Variants in DGKB observed in about 807,000 individuals in gnomAD.
DGKB encodes 90 kDa diacylglycerol kinase.
In DGKB, 67 loss-of-function variants were observed where a neutral mutation model predicts 114.3. That is an observed-to-expected ratio of 0.59 (90% CI 0.48 to 0.72). The LOEUF is 0.72. DGKB is among the 30% of genes least tolerant of loss of function. The pLI is 0.00. For synonymous variants in DGKB, 398 were observed against 323.1 expected (o/e 1.23, Z -2.49); for missense variants, 907 against 975.2 (o/e 0.93, Z 0.93).
chr7:14,182,930 G>C (rs908966239), intron 23 of DGKB, among the ~76,000 whole-genome samples: 4 of 152,184 alleles, frequency 2.6e-5, no homozygotes, highest in Non-Finnish European at 5.9e-5. Flanking sequence ...GGCTGGAGCA[G>C]AGTAGTATAA....
In DGKB at chr7:14,638,573, C is replaced by A. The variant is rs576885549; in HGVS notation, c.1135-8305G>T. Among the ~76,000 whole-genome samples the A allele has an allele frequency of 4.7e-4, 71 of 152,108 alleles. 1 individual carries two copies. Among genetic ancestry groups the A allele is most frequent in the African/African-American group, 4.8e-4 (20 of 41,486 alleles). ...ATTTGTTAAGCATCTAGTCTATGAC[C>A]AAATCAAATTAGGCACTAGACATAA... is the stretch of plus-strand genomic sequence containing the variant. On this transcript the variant is annotated intron_variant, in intron 13 of 25. Transcript: ENST00000402815.
intron 20 of DGKB, among the ~76,000 whole-genome samples, chr7:14,553,805 T>C (rs927087662): frequency 8.6e-5 from 13 of 151,048 alleles, no homozygotes; most frequent in African/African-American, 3.1e-4. Flanking sequence ...TATTTGCAGA[T>C]TAATTTATAT....
chr7:14,670,315 T>G (rs1818753321), intron 13 of DGKB, among the ~76,000 whole-genome samples: 1 of 151,730 alleles, frequency 6.6e-6, no homozygotes, highest in African/African-American at 2.4e-5. Flanking sequence ...ACACACATTT[T>G]TTTTTGAGAC....
intron 20 of DGKB, among the ~76,000 whole-genome samples, chr7:14,572,937 A>C (rs1377417320): frequency 1.3e-5 from 2 of 152,138 alleles, no homozygotes; most frequent in Non-Finnish European, 2.9e-5. Flanking sequence ...CATAAAAGAC[A>C]AATCTTAGAG....
intron 21 of DGKB, among the ~76,000 whole-genome samples, chr7:14,440,555 A>G (rs1378180903): frequency 6.6e-6 from 1 of 152,174 alleles, no homozygotes; most frequent in Admixed American, 6.5e-5. Context: ...ATACATTCAG[A>G]TTGATAAAGG....
At position 14,630,238 on chromosome 7, in the gene DGKB, C is replaced by T; in HGVS notation, c.1165G>A (p.Glu389Lys). The change falls in exon 14 of 26, where the codon GAG (glutamate) becomes AAG (lysine). Residue 389 changes from glutamate to lysine, a missense_variant and splice_region_variant. Physicochemically the swap from Glu to Lys is moderately conservative, Grantham distance 56. Around this residue, in one of 3 missense-constraint regions of DGKB, gnomAD observed 814 missense variants for 856.6 expected, o/e 0.95. Coordinates refer to ENST00000402815, the MANE Select transcript of DGKB (RefSeq NM_001350709.2). ...TLPTSGVSVP[E>K]ERQSTVKKEK... ...AAAACCTGTTTTTGCTTACGCACCT[C>T]AGGAACTGAAACTCCTGAAGTGGGC... 6.4e-7 allele frequency: 1 copy of T among 1,555,050 alleles called. No homozygotes were observed. Among genetic ancestry groups the T allele is most frequent in the African/African-American group, 1.4e-5 (1 of 73,120 alleles).
intron 20 of DGKB, among the ~76,000 whole-genome samples, chr7:14,535,158 A>G (rs150858490): frequency 4.6e-5 from 7 of 152,068 alleles, no homozygotes; most frequent in Admixed American, 6.6e-5. Flanking sequence ...TTGTTAAGAC[A>G]AGGAGTTCAA....
intron 1 of DGKB, among the ~76,000 whole-genome samples, chr7:14,920,322 T>C (rs116503996): frequency 0.015 from 2,348 of 152,182 alleles, 54 homozygotes; most frequent in African/African-American, 0.053. Flanking sequence ...GGAAACAATT[T>C]AAAAATGGGA....
At chr7:14,851,594 C>T (rs1320244812) in intron 1 of DGKB, among the ~76,000 whole-genome samples, 1 of 152,162 alleles carries the variant, frequency 6.6e-6, no homozygotes, top group Non-Finnish European at 1.5e-5. Context: ...ACTTCTTCAG[C>T]AGGTGGTGTC....
chr7:14,421,356 A>G (rs1331030144), intron 21 of DGKB, among the ~76,000 whole-genome samples: 1 of 152,138 alleles, frequency 6.6e-6, no homozygotes, highest in Non-Finnish European at 1.5e-5. Flanking sequence ...TTTATCTAGT[A>G]ACACTTTACA....
Position 14,929,208 on chromosome 7 carries a change from C to A in DGKB, c.-188+45488G>T, listed in dbSNP as rs556911049. Reference sequence around the variant, plus strand: ...GTCATCAACATATGAGTGCAGATATCTTTTTGGTATAACGATATTATTTCC... The same window carrying A: ...GTCATCAACATATGAGTGCAGATATATTTTTGGTATAACGATATTATTTCC... On this transcript the variant is annotated intron_variant, in intron 1 of 4. Coordinates refer to the DGKB transcript ENST00000437998. Among the ~76,000 whole-genome samples, 5 of 152,104 alleles carry A rather than the reference C, an allele frequency of 3.3e-5. No individual in the cohort carries two copies. In the South Asian group the frequency reaches 1.0e-3, roughly 32 times the overall value.
Position 14,718,665 on chromosome 7 carries a change from C to A in DGKB, c.343G>T (p.Ala115Ser). Reference sequence around the variant, plus strand: ...GAAGTAGTCCGGGGAGGGGTGATGGCACCTTTATTCATTCTCAGACCTGGA... The same window carrying A: ...GAAGTAGTCCGGGGAGGGGTGATGGAACCTTTATTCATTCTCAGACCTGGA... ...LSGGLRMNKG[A>S]ITPPRTTSPA... The change falls in exon 6 of 26, where the codon GCC becomes TCC. Residue 115 changes from alanine (A) to serine (S), a missense_variant. Transcript: ENST00000402815. The A allele has an allele frequency of 6.2e-7, 1 of 1,608,324 alleles. No individual in the cohort carries two copies. Among genetic ancestry groups the A allele is most frequent in the South Asian group, 1.1e-5 (1 of 90,002 alleles).
chr7:14,696,358 G>C (rs556524199), intron 8 of DGKB, among the ~76,000 whole-genome samples: 2 of 151,748 alleles, frequency 1.3e-5, no homozygotes, highest in African/African-American at 2.4e-5. Flanking sequence ...AGCCGGGCGC[G>C]GTGGCGGGCG....
At chr7:14,834,687 C>G (rs542714551) in intron 2 of DGKB, among the ~76,000 whole-genome samples, 27 of 152,268 alleles carry the variant, frequency 1.8e-4, no homozygotes, top group African/African-American at 6.3e-4. Flanking sequence ...AAATGAACTT[C>G]TGTTGTGTTA....
chr7:14,165,577 A>T (rs1295262607), intron 25 of DGKB, among the ~76,000 whole-genome samples: 1 of 152,224 alleles, frequency 6.6e-6, no homozygotes, highest in South Asian at 2.1e-4. Flanking sequence ...AAAAATACCT[A>T]TTGTTTCTTG....
chr7:14,607,506 A>C lies in DGKB; in HGVS notation c.1361T>G (p.Ile454Ser). The C allele has an allele frequency of 6.5e-7, 1 of 1,536,148 alleles. No homozygotes were observed. Among genetic ancestry groups the C allele is most frequent in the Non-Finnish European group, 9.0e-7 (1 of 1,112,906 alleles). Residue 454 changes from isoleucine to serine, a missense_variant and splice_region_variant, in exon 17 of 26, where the codon ATT (isoleucine) becomes AGT (serine). Ile to Ser is a moderately radical substitution (Grantham distance 142). Around this residue, in one of 3 missense-constraint regions of DGKB, gnomAD observed 814 missense variants for 856.6 expected, o/e 0.95. Coordinates refer to ENST00000402815, the MANE Select transcript of DGKB (RefSeq NM_001350709.2). ...TAATAGATACTGGAATTTTCTGTAA[A>C]TTCTATAAAGGTGAAAATGTGGGGA... is the stretch of plus-strand genomic sequence containing the variant. ...PKSGGKQGER[I>S]YRKFQYLLNP...
intron 6 of DGKB, among the ~76,000 whole-genome samples, chr7:14,707,159 C>T (rs1826423028): frequency 7.5e-6 from 1 of 133,772 alleles, no homozygotes; most frequent in South Asian, 2.8e-4. Flanking sequence ...CACAGAAATA[C>T]AAACTACCAT....
intron 23 of DGKB, among the ~76,000 whole-genome samples, chr7:14,309,332 G>A (rs1804991438): frequency 6.6e-6 from 1 of 152,138 alleles, no homozygotes; most frequent in Admixed American, 6.6e-5. Flanking sequence ...TATGTGAATG[G>A]TTCTATGTAA....
rs73068679 is a variant in DGKB, at chr7:14,790,539, A to G, written c.71-32808T>C. Among the ~76,000 whole-genome samples, 230 of 152,174 alleles carry G rather than the reference A, an allele frequency of 1.5e-3. 1 individual carries two copies. The Middle Eastern group carries it at 0.02, about 14-fold the overall frequency. ...GGTTTATTTATTTAATGGATGTTCAATTACTCAAGCACATTTGTTTAAAAG... is the reference window on the plus strand; with the variant it reads ...GGTTTATTTATTTAATGGATGTTCAGTTACTCAAGCACATTTGTTTAAAAG... On this transcript the variant is annotated intron_variant, in intron 2 of 25. Coordinates refer to ENST00000402815, the MANE Select transcript of DGKB (RefSeq NM_001350709.2).
Sources: gnomAD v4.1 joint callset for allele counts (sites outside exome capture counted in the v4.1 genomes callset) on GRCh38, gnomAD v4.1.1 for gene constraint, gnomAD v4.1.1 regional missense constraint, MANE v1.5 for transcripts, NCBI Gene and HGNC (gene_info 2026-07-23, HGNC 2026-07-21) for gene names.